BAHCC1: variants seen among roughly 807,000 people sequenced by gnomAD.
BAHCC1 encodes BAH domain and coiled-coil containing 1.
Under a neutral mutation model 88.2 loss-of-function variants are expected in BAHCC1, and 43 were observed. That is an observed-to-expected ratio of 0.49 (90% confidence interval 0.38 to 0.63). The LOEUF (loss-of-function observed/expected upper bound fraction) is 0.63. Ranked by LOEUF, BAHCC1 falls within the 20% of genes least tolerant of loss-of-function variation. The pLI, the probability that BAHCC1 is intolerant of heterozygous loss-of-function variation, is 0.00. For missense variants in BAHCC1, 3,023 were observed against 1,654.8 expected (o/e 1.83, Z -14.34); for synonymous variants, 1,510 against 745.5 (o/e 2.03, Z -16.71).
rs1598444080 is a variant in BAHCC1 at position 81,399,382 on chromosome 17, G to A, written c.-206-152G>A. On this transcript the variant is annotated intron_variant, in intron 1 of 27. Transcript: ENST00000675386. This position sits in a 1 kb window ranked among gnomAD's most constrained non-coding sequence, Gnocchi z 4.5. Reference sequence around the variant, plus strand: ...CGCGCGCGTGCGGCGGGGAGACACCGAGCGCCCCGGCCCCGCCACCCGGCC... The same window carrying A: ...CGCGCGCGTGCGGCGGGGAGACACCAAGCGCCCCGGCCCCGCCACCCGGCC... The A allele has an allele frequency of 3.6e-5, 5 of 140,794 alleles. No homozygotes were observed. Among genetic ancestry groups the A allele is most frequent in the Admixed American group, 1.4e-4 (2 of 14,328 alleles). The allele number at this position is 140,794 out of a possible 1,614,324, so 8.7% of individuals were successfully genotyped here. A position where few individuals can be genotyped will look rare whatever the true frequency, so the allele number is the denominator to read the frequency against.
At position 81,411,834 on chromosome 17, in the gene BAHCC1, C is replaced by T. The variant is rs2063958801; in HGVS notation, c.178+11917C>T. Among the ~76,000 whole-genome samples the T allele has an allele frequency of 6.6e-6, 1 of 152,220 alleles. No homozygotes were observed. On this transcript the variant is annotated intron_variant, in intron 2 of 27. Coordinates refer to ENST00000675386, the MANE Select transcript of BAHCC1 (RefSeq NM_001377448.1). This position sits in a 1 kb window ranked among gnomAD's most constrained non-coding sequence, Gnocchi z 6.2. ...TCAGCAAGGTCGTTCCCGACAAGCC[C>T]CTCACCGCCCCGGCCCCTGCCCCTC...
chr17:81,463,175 T>C (rs139270282), intron 27 of BAHCC1, among the ~76,000 whole-genome samples, 199 bp downstream of exon 27: 1,566 of 152,152 alleles, frequency 0.01, 22 homozygotes, highest in Non-Finnish European at 0.016. Context: ...CTCCCCACAG[T>C]GGGGGGCTGT....
At chr17:81,416,460 G>GGGGT (rs1555648733) in intron 2 of BAHCC1, among the ~76,000 whole-genome samples, 65 of 122,322 alleles carry the variant, frequency 5.3e-4, no homozygotes, top group South Asian at 3.6e-3. Context: ...GTCCATTGAG[G>GGGGT]GTGTGTGTGT....
Position 81,464,011 on chromosome 17 carries a change from A to T in BAHCC1, c.*194A>T. The T allele has an allele frequency of 5.0e-6, 3 of 600,802 alleles. No individual in the cohort carries two copies. The highest frequency in any genetic ancestry group is 8.9e-6 in the Non-Finnish European group (3 of 336,238). The allele number at this position is 600,802 out of a possible 1,614,324, so 37.2% of individuals were successfully genotyped here. On this transcript the variant is annotated 3_prime_UTR_variant, in exon 28 of 28. Coordinates refer to ENST00000675386, the MANE Select transcript of BAHCC1 (RefSeq NM_001377448.1). ...AAGAGCGCTCCAGGTGTCGGAATCC[A>T]GTCCCGTCCCATCCTCTGCGGAGGG...
At chr17:81,412,573 C>A (rs1484732593) in intron 2 of BAHCC1, among the ~76,000 whole-genome samples, 2 of 152,164 alleles carry the variant, frequency 1.3e-5, no homozygotes, top group Non-Finnish European at 2.9e-5. Flanking sequence ...GAGCAGCCAC[C>A]ACGCTTCAGC....
intron 3 of BAHCC1, among the ~76,000 whole-genome samples, chr17:81,432,183 T>C (rs1255485693): frequency 6.6e-6 from 1 of 152,170 alleles, no homozygotes; most frequent in Non-Finnish European, 1.5e-5. Flanking sequence ...CTGGGGCCAG[T>C]GGCCTTGGTC....
intron 1 of BAHCC1, among the ~76,000 whole-genome samples, chr17:81,397,899 G>A (rs1288118170): frequency 2.0e-5 from 3 of 152,220 alleles, no homozygotes; most frequent in Non-Finnish European, 4.4e-5. Context: ...TATTAAAAAA[G>A]CTTATCAGCT....
At chr17:81,427,353 G>T (rs1279148953) in intron 3 of BAHCC1, among the ~76,000 whole-genome samples, 1 of 152,134 alleles carries the variant, frequency 6.6e-6, no homozygotes, top group East Asian at 1.9e-4. Context: ...TAGGAGGCGG[G>T]CTCCAAATGT....
At chr17:81,425,990 T>TGGC (rs2064189333) in intron 2 of BAHCC1, among the ~76,000 whole-genome samples, 1 of 34,724 alleles carries the variant, frequency 2.9e-5, no homozygotes. Flanking sequence ...TGGGTGTGGT[T>TGGC]GGTGATGATG....
At chr17:81,437,347 C>T (rs1555651885) in intron 3 of BAHCC1, among the ~76,000 whole-genome samples, 1 of 152,238 alleles carries the variant, frequency 6.6e-6, no homozygotes, top group African/African-American at 2.4e-5. Flanking sequence ...AGGGCTGGGG[C>T]TGGGGCTGGG....
rs868940072 is a variant in BAHCC1, at chr17:81,442,888, C to T, written c.1539C>T (p.Gly513=). The change falls in exon 5 of 28, where the codon GGC becomes GGT. Residue 513 remains glycine (G), a synonymous_variant. Coordinates refer to ENST00000675386, the MANE Select transcript of BAHCC1 (RefSeq NM_001377448.1). The stretch of plus-strand genomic sequence containing the variant: ...GGCCTGGTCACCAGGACCCGCTGGG[C>T]GGGAAGGCCCCCCAGGCCTGCTGCA... ...CARPGHQDPL[G]GKAPQACCTL... is the part of the protein sequence containing the mutation. 3.9e-6 allele frequency: 3 copies of T among 779,158 alleles called. No individual in the cohort carries two copies. The highest frequency in any genetic ancestry group is 1.7e-5 in the Admixed American group (1 of 58,990). The allele number at this position is 779,158 out of a possible 1,614,324, so 48.3% of individuals were successfully genotyped here.
At chr17:81,436,318 C>T (rs1442378816) in intron 3 of BAHCC1, among the ~76,000 whole-genome samples, 1 of 152,208 alleles carries the variant, frequency 6.6e-6, no homozygotes, top group Non-Finnish European at 1.5e-5. Context: ...CCCGCAGCTG[C>T]CCCCAGAGGG....
intron 2 of BAHCC1, among the ~76,000 whole-genome samples, chr17:81,404,813 C>A (rs1270375036): frequency 2.0e-5 from 3 of 152,142 alleles, no homozygotes; most frequent in African/African-American, 7.2e-5. Flanking sequence ...GCACCTCTGT[C>A]CCCTGGCGGG....
intron 4 of BAHCC1, among the ~76,000 whole-genome samples, chr17:81,440,293 G>A (rs1447656122): frequency 3.3e-5 from 5 of 152,216 alleles, no homozygotes; most frequent in African/African-American, 4.8e-5. Flanking sequence ...CAGCACAGGG[G>A]ACTCCCTCTG....
At position 81,464,038 on chromosome 17, in the gene BAHCC1, C is replaced by T. The variant is rs560810452; in HGVS notation, c.*221C>T. On this transcript the variant is annotated 3_prime_UTR_variant, in exon 28 of 28. Coordinates refer to ENST00000675386, the MANE Select transcript of BAHCC1 (RefSeq NM_001377448.1). Reference sequence around the variant, plus strand: ...TCCCGTCCCATCCTCTGCGGAGGGTCGGGCTGTGGCCCTCATGGGTCCCCG... The same window carrying T: ...TCCCGTCCCATCCTCTGCGGAGGGTTGGGCTGTGGCCCTCATGGGTCCCCG... 1.5e-5 allele frequency: 9 copies of T among 585,312 alleles called. No individual in the cohort carries two copies. The highest frequency in any genetic ancestry group is 1.5e-4 in the African/African-American group (8 of 53,642). 36.3% of individuals were successfully genotyped at this position (585,312 alleles called of 1,614,324 possible).
chr17:81,402,306 CT>C (rs1423286734), intron 2 of BAHCC1: 3 of 152,150 alleles, frequency 2.0e-5, no homozygotes, highest in Non-Finnish European at 4.4e-5. Flanking sequence ...GAAAGAAAGC[CT>C]TTTGAAATTG....
intron 10 of BAHCC1, among the ~76,000 whole-genome samples, chr17:81,446,042 G>A (rs1450318587): frequency 6.6e-6 from 1 of 152,044 alleles, no homozygotes; most frequent in Non-Finnish European, 1.5e-5. Flanking sequence ...GCCATTCAGG[G>A]TCTCAGCAAA....
intron 18 of BAHCC1, 31 bp downstream of exon 18, chr17:81,458,497 G>C: frequency 1.5e-6 from 1 of 673,034 alleles, no homozygotes; most frequent in Non-Finnish European, 2.7e-6. Flanking sequence ...GCTGGGCGGA[G>C]AGGGTGGGTG....
rs138865361 is a variant in BAHCC1 at position 81,442,580 on chromosome 17, G to A, written c.1231G>A (p.Ala411Thr). The change falls in exon 5 of 28, where the codon GCC (alanine) becomes ACC (threonine). Residue 411 changes from alanine (A) to threonine (T), a missense_variant. Physicochemically the swap from Ala to Thr is moderately conservative, Grantham distance 58 (BLOSUM62 0). Coordinates refer to ENST00000675386, the MANE Select transcript of BAHCC1 (RefSeq NM_001377448.1). ...CGACAAGGGCCGCCCCTTCCAGGCC[G>A]CCGAGGCCTGTGCCGTGGCAGGGGA... ...LADKGRPFQA[A>T]EACAVAGEGK... is the part of the protein sequence containing the mutation. 4.7e-3 allele frequency: 3,621 copies of A among 768,810 alleles called. 92 individuals are homozygous for A. The African/African-American group carries it at 0.054, about 11-fold the overall frequency. The allele number at this position is 768,810 out of a possible 1,614,324, so 47.6% of individuals were successfully genotyped here.
Sources: allele counts gnomAD v4.1 joint callset (sites outside exome capture counted in the v4.1 genomes callset), GRCh38; gene constraint gnomAD v4.1.1; non-coding constraint Gnocchi (gnomAD v3.1); transcripts MANE v1.5; gene names NCBI Gene and HGNC (gene_info 2026-07-23, HGNC 2026-07-21).